Variants in PRKCQ observed in about 807,000 individuals in gnomAD.
The protein encoded by PRKCQ is protein kinase C theta type.
PRKCQ carries 41 observed loss-of-function variants against 91.2 expected under a neutral mutation model. The ratio of observed to expected loss-of-function variants is 0.45; its 90% CI spans 0.35 to 0.58. The LOEUF is 0.58. PRKCQ is among the 20% of genes least tolerant of loss of function. The pLI is 0.00. For missense variants in PRKCQ, 673 were observed against 896.5 expected (o/e 0.75, Z 3.18); for synonymous variants, 307 against 316.9 (o/e 0.97, Z 0.33).
At chr10:6,464,503 GCA>G in intron 12 of PRKCQ, 99 bp from the exon 13 acceptor site, 2 of 1,017,348 alleles carry the variant, frequency 2.0e-6, no homozygotes, top group East Asian at 4.9e-5. Flanking sequence ...AGGCTGGAGT[GCA>G]GTGGCGTGAT....
intron 8 of PRKCQ, chr10:6,489,270 T>C: frequency 4.4e-6 from 2 of 457,928 alleles, no homozygotes; most frequent in South Asian, 1.6e-5. Flanking sequence ...GGATTGAACA[T>C]AGAGGGATGG....
intron 8 of PRKCQ, chr10:6,489,403 G>A: frequency 1.9e-6 from 1 of 530,804 alleles, no homozygotes; most frequent in Non-Finnish European, 3.9e-6. Flanking sequence ...TAACCTATCA[G>A]GCCGTAACTC....
chr10:6,489,936 G>A (rs1004315513), intron 8 of PRKCQ, among the ~76,000 whole-genome samples: 1 of 151,906 alleles, frequency 6.6e-6, no homozygotes, highest in Non-Finnish European at 1.5e-5. Context: ...GTGGATTCTC[G>A]GGCTCCCAGG....
At chr10:6,572,085 T>C (rs148897679) in intron 1 of PRKCQ, among the ~76,000 whole-genome samples, 68 of 152,252 alleles carry the variant, frequency 4.5e-4, no homozygotes, top group African/African-American at 1.6e-3. Flanking sequence ...AATGACTGAT[T>C]CCCGCGATCC....
chr10:6,480,119 G>A (rs138301329), intron 11 of PRKCQ, among the ~76,000 whole-genome samples: 5 of 152,180 alleles, frequency 3.3e-5, no homozygotes, highest in Admixed American at 6.5e-5. Context: ...ATTTAACTCC[G>A]AAGTTTACTT....
intron 1 of PRKCQ, among the ~76,000 whole-genome samples, chr10:6,552,014 G>T (rs530960002): frequency 6.6e-6 from 1 of 152,104 alleles, no homozygotes; most frequent in South Asian, 2.1e-4. Context: ...ATAGCCATTC[G>T]GACTGGTGTG....
the PRKCQ span, among the ~76,000 whole-genome samples, chr10:6,400,854 A>C: frequency 6.6e-6 from 1 of 152,160 alleles, no homozygotes; most frequent in African/African-American, 2.4e-5. Flanking sequence ...TTCTACAAAA[A>C]GCAGAAGAAA....
intron 12 of PRKCQ, among the ~76,000 whole-genome samples, chr10:6,478,498 C>T (rs1836394570): frequency 1.3e-5 from 2 of 152,222 alleles, no homozygotes; most frequent in South Asian, 2.1e-4. Flanking sequence ...GTCCCAACAC[C>T]GAGTGGGAAT....
chr10:6,467,698 T>C (rs1299418774), intron 12 of PRKCQ, among the ~76,000 whole-genome samples: 1 of 152,178 alleles, frequency 6.6e-6, no homozygotes, highest in Non-Finnish European at 1.5e-5. Context: ...CTGTCGCTAA[T>C]CAGCTGTGTG....
rs1418018334 is a variant in PRKCQ, at chr10:6,532,583, C to A, written c.-9-17439G>T. Among the ~76,000 whole-genome samples the A allele has an allele frequency of 2.6e-5, 4 of 152,316 alleles. No individual in the cohort carries two copies. In the East Asian group the frequency reaches 7.7e-4, roughly 29 times the overall value. ...TCATCCCACCCCGACTGCACCCAAT[C>A]TTGTCTGAAACGTACTTCAGCCTGT... On this transcript the variant is annotated intron_variant, in intron 1 of 17. Transcript: ENST00000263125.
intron 14 of PRKCQ, among the ~76,000 whole-genome samples, chr10:6,461,204 C>G (rs1467570336): frequency 6.6e-6 from 1 of 151,864 alleles, no homozygotes; most frequent in Non-Finnish European, 1.5e-5. Context: ...TCCATCCATT[C>G]AACCATCCAC....
chr10:6,566,915 CTAA>C (rs1461757829), intron 1 of PRKCQ, among the ~76,000 whole-genome samples: 1 of 151,962 alleles, frequency 6.6e-6, no homozygotes, highest in Non-Finnish European at 1.5e-5. Context: ...TGATTAGGGC[CTAA>C]AATATGATAT....
intron 1 of PRKCQ, among the ~76,000 whole-genome samples, chr10:6,556,059 T>G (rs1840401220): frequency 6.6e-6 from 1 of 152,152 alleles, no homozygotes. Context: ...GGTTTAGGAA[T>G]GACCTCTTCA....
intron 1 of PRKCQ, among the ~76,000 whole-genome samples, chr10:6,559,906 A>G (rs939889450): frequency 3.9e-5 from 6 of 152,184 alleles, no homozygotes; most frequent in Admixed American, 1.3e-4. Context: ...CGTACACAGA[A>G]TGTGTAGTGG....
At chr10:6,474,116 A>T (rs1433909823) in intron 12 of PRKCQ, among the ~76,000 whole-genome samples, 1 of 152,240 alleles carries the variant, frequency 6.6e-6, no homozygotes, top group Non-Finnish European at 1.5e-5. Context: ...AGTGAAACTC[A>T]GTTTTCTTTT....
intron 1 of PRKCQ, among the ~76,000 whole-genome samples, chr10:6,539,339 G>T (rs1379917620): frequency 6.6e-6 from 1 of 152,106 alleles, no homozygotes; most frequent in African/African-American, 2.4e-5. Context: ...TTAGGAACTG[G>T]GGTGCACAGC....
At chr10:6,456,204 C>T (rs1047831721) in intron 15 of PRKCQ, among the ~76,000 whole-genome samples, 4 of 152,112 alleles carry the variant, frequency 2.6e-5, no homozygotes, top group Non-Finnish European at 4.4e-5. Context: ...ATCTAATGCT[C>T]ACAATAACAC....
intron 9 of PRKCQ, 99 bp downstream of exon 9, chr10:6,485,936 G>T: frequency 9.6e-7 from 1 of 1,043,518 alleles, no homozygotes; most frequent in Non-Finnish European, 1.4e-6. Flanking sequence ...ATACATCCCG[G>T]CATTTCCCAT....
At chr10:6,408,649 C>G in the PRKCQ span, among the ~76,000 whole-genome samples, 1 of 152,364 alleles carries the variant, frequency 6.6e-6, no homozygotes, top group East Asian at 1.9e-4. Flanking sequence ...GCCACTGCGC[C>G]TAGCCTTGGC....
Sources: allele counts gnomAD v4.1 joint callset (sites outside exome capture counted in the v4.1 genomes callset), GRCh38; gene constraint gnomAD v4.1.1; transcripts MANE v1.5; gene names NCBI Gene and HGNC (gene_info 2026-07-23, HGNC 2026-07-21).